Variants in PTPRD observed in about 807,000 individuals in gnomAD.
The protein encoded by PTPRD is protein tyrosine phosphatase receptor type D, also known as receptor-type tyrosine-protein phosphatase delta.
A neutral mutation model predicts 214.5 loss-of-function variants in PTPRD; 34 were observed. The observed-to-expected ratio is 0.16, with a 90% confidence interval of 0.12 to 0.21. The LOEUF (loss-of-function observed/expected upper bound fraction) is 0.21. Ranked by LOEUF, PTPRD falls within the 10% of genes least tolerant of loss-of-function variation. The probability of loss-of-function intolerance (pLI) is 1.00; values close to 1 mark genes in which losing one functional copy is unlikely to be tolerated. For missense variants in PTPRD, 2,545 were observed against 2,398.7 expected (o/e 1.06, Z -1.27); for synonymous variants, 1,128 against 845.7 (o/e 1.33, Z -5.79).
At chr9:10,023,316 G>A (rs914742402) in intron 4 of PTPRD, among the ~76,000 whole-genome samples, 4 of 152,082 alleles carry the variant, frequency 2.6e-5, no homozygotes, top group African/African-American at 9.7e-5. Context: ...GCTTCCATTG[G>A]GAAAGGAACC....
Position 9,166,040 on chromosome 9 carries a change from G to C in PTPRD, c.-143+17264C>G, listed in dbSNP as rs115281972. Among the ~76,000 whole-genome samples, 866 of 150,922 alleles carry C rather than the reference G, an allele frequency of 5.7e-3. 6 individuals are homozygous for C. Among genetic ancestry groups the C allele is most frequent in the African/African-American group, 0.02 (808 of 41,066 alleles). On this transcript the variant is annotated intron_variant, in intron 10 of 45. Transcript: ENST00000381196. ...GGTACAATTGTCTGTCCCTATGTAG[G>C]TATTAAAAAAACCTGTGGTGACTTT...
At position 8,904,706 on chromosome 9, in the gene PTPRD, G is replaced by A. The variant is rs1251755201; in HGVS notation, c.-104+113991C>T. The stretch of plus-strand genomic sequence containing the variant: ...AAAAGCTACACATTACATTTAGTTG[G>A]TCATGTTAAATATTATTTGCAAAAC... On this transcript the variant is annotated intron_variant, in intron 11 of 45. Transcript: ENST00000381196. Among the ~76,000 whole-genome samples the A allele has an allele frequency of 4.0e-5, 6 of 151,472 alleles. 1 individual carries two copies. In the South Asian group the frequency reaches 1.0e-3, roughly 26 times the overall value.
intron 42 of PTPRD, among the ~76,000 whole-genome samples, chr9:8,339,690 G>C (rs1405671350): frequency 6.6e-6 from 1 of 152,028 alleles, no homozygotes; most frequent in Non-Finnish European, 1.5e-5. Context: ...AAAGAAGACA[G>C]AAAGAAAATA....
chr9:9,475,622 T>C (rs2094967683), intron 8 of PTPRD, among the ~76,000 whole-genome samples: 1 of 152,194 alleles, frequency 6.6e-6, no homozygotes, highest in South Asian at 2.1e-4. Context: ...TCAGACAGTG[T>C]CTTACGAAAT....
intron 42 of PTPRD, among the ~76,000 whole-genome samples, chr9:8,339,464 C>G (rs1850280630): frequency 6.6e-6 from 1 of 152,122 alleles, no homozygotes; most frequent in Non-Finnish European, 1.5e-5. Context: ...AGAGAACCAT[C>G]AGTATGGACA....
chr9:9,794,420 G>A (rs895275650), intron 5 of PTPRD, among the ~76,000 whole-genome samples: 1 of 151,938 alleles, frequency 6.6e-6, no homozygotes, highest in African/African-American at 2.4e-5. Context: ...GAGACTTAAC[G>A]ATTTATGGTA....
chr9:10,110,153 G>A (rs1366033235), intron 3 of PTPRD, among the ~76,000 whole-genome samples: 1 of 152,138 alleles, frequency 6.6e-6, no homozygotes, highest in Non-Finnish European at 1.5e-5. Context: ...AGTACTTATT[G>A]ACACAAAGTT....
At chr9:9,660,953 T>G (rs2096611228) in intron 7 of PTPRD, among the ~76,000 whole-genome samples, 1 of 151,958 alleles carries the variant, frequency 6.6e-6, no homozygotes. Flanking sequence ...TAACCAGAAG[T>G]TGTGAAGATG....
At chr9:10,130,571 G>T (rs1256675171) in intron 3 of PTPRD, among the ~76,000 whole-genome samples, 1 of 152,080 alleles carries the variant, frequency 6.6e-6, no homozygotes, top group Non-Finnish European at 1.5e-5. Flanking sequence ...AATATTGGCA[G>T]AACTGAACTG....
intron 5 of PTPRD, among the ~76,000 whole-genome samples, chr9:9,787,420 TAAAA>T (rs34947415): frequency 2.3e-5 from 3 of 131,426 alleles, no homozygotes; most frequent in Admixed American, 7.8e-5. Context: ...GTCAACTATG[TAAAA>T]AAAAAAAAAA....
intron 14 of PTPRD, among the ~76,000 whole-genome samples, chr9:8,538,978 A>T (rs2077657631): frequency 6.6e-6 from 1 of 151,962 alleles, no homozygotes; most frequent in African/African-American, 2.4e-5. Flanking sequence ...GAACAAGCAA[A>T]GAAGACACAA....
intron 5 of PTPRD, among the ~76,000 whole-genome samples, chr9:9,866,653 A>G (rs573526964): frequency 9.5e-4 from 144 of 152,322 alleles, no homozygotes; most frequent in Non-Finnish European, 1.3e-3. Context: ...TCTTGAAATT[A>G]GCATAAGCTT....
At position 8,525,022 on chromosome 9, in the gene PTPRD, A is replaced by C; in HGVS notation, c.582T>G (p.Ile194Met). The change falls in exon 18 of 46, where the codon ATT (isoleucine) becomes ATG (methionine). Residue 194 changes from isoleucine to methionine, a missense_variant. Coordinates refer to ENST00000381196, the MANE Select transcript of PTPRD (RefSeq NM_002839.4). Reference sequence around the variant, plus strand: ...CTTGGTCAGACTCTTCACTCTGCTCAATCTGAAGGGCTCCTGTATGGATAT... The same window carrying C: ...CTTGGTCAGACTCTTCACTCTGCTCCATCTGAAGGGCTCCTGTATGGATAT... Reference protein sequence around the residue: ...GGTPIRGALQIEQSEESDQGK... With the variant: ...GGTPIRGALQMEQSEESDQGK... 1 of 1,613,424 alleles carries C rather than the reference A, an allele frequency of 6.2e-7. No homozygotes were observed. Among genetic ancestry groups the C allele is most frequent in the Non-Finnish European group, 8.5e-7 (1 of 1,179,472 alleles).
chr9:8,992,470 G>C (rs926249562), intron 11 of PTPRD, among the ~76,000 whole-genome samples: 5 of 152,006 alleles, frequency 3.3e-5, no homozygotes, highest in Non-Finnish European at 7.4e-5. Flanking sequence ...GTTGCTCAGA[G>C]GCTCTCACTC....
At chr9:8,472,616 A>G (rs1278437728) in intron 30 of PTPRD, among the ~76,000 whole-genome samples, 1 of 152,212 alleles carries the variant, frequency 6.6e-6, no homozygotes, top group African/African-American at 2.4e-5. Context: ...ATTGCATTTC[A>G]AAGACTTAGC....
chr9:8,629,980 T>C (rs2096197924), intron 14 of PTPRD, among the ~76,000 whole-genome samples: 2 of 151,792 alleles, frequency 1.3e-5, no homozygotes, highest in African/African-American at 4.8e-5. Flanking sequence ...TCGAGGCACA[T>C]GGGTGGTCAG....
chr9:9,221,689 T>A (rs73388852), intron 9 of PTPRD, among the ~76,000 whole-genome samples: 11,537 of 152,090 alleles, frequency 0.076, 524 homozygotes, highest in African/African-American at 0.12. Context: ...TCAAAGGCCC[T>A]ATCTCCAAAT....
chr9:10,582,100 G>A (rs1215515973), intron 2 of PTPRD, among the ~76,000 whole-genome samples: 2 of 152,116 alleles, frequency 1.3e-5, no homozygotes, highest in Non-Finnish European at 2.9e-5. Flanking sequence ...GCAGTCCTGT[G>A]CTTTATTCTA....
chr9:10,611,439 C>A (rs983754475), intron 2 of PTPRD, among the ~76,000 whole-genome samples: 4 of 152,158 alleles, frequency 2.6e-5, no homozygotes, highest in Non-Finnish European at 5.9e-5. Flanking sequence ...CCTGACATAA[C>A]ACAAAGGTTT....
Sources: gnomAD v4.1 joint callset for allele counts (sites outside exome capture counted in the v4.1 genomes callset) on GRCh38, gnomAD v4.1.1 for gene constraint, MANE v1.5 for transcripts, NCBI Gene and HGNC (gene_info 2026-07-23, HGNC 2026-07-21) for gene names.